PAPSS2: variants seen among roughly 807,000 people sequenced by gnomAD.
PAPSS2 encodes 3'-phosphoadenosine 5'-phosphosulfate synthase 2.
In PAPSS2, 61 loss-of-function variants were observed where a neutral mutation model predicts 66.5. The observed-to-expected ratio is 0.92, with a 90% CI of 0.75 to 1.14. The LOEUF is 1.14. PAPSS2 is among the 50% of genes most tolerant of loss of function. The probability of loss-of-function intolerance (pLI) is 0.00; values close to 1 mark genes in which losing one functional copy is unlikely to be tolerated. For missense variants in PAPSS2, 708 were observed against 789.6 expected (o/e 0.90, Z 1.24); for synonymous variants, 289 against 287.5 (o/e 1.01, Z -0.05).
intron 10 of PAPSS2, among the ~76,000 whole-genome samples, chr10:87,742,359 G>GC (rs1853880312): frequency 6.6e-6 from 1 of 152,146 alleles, no homozygotes; most frequent in African/African-American, 2.4e-5. Flanking sequence ...GGCAGCACAT[G>GC]CCCCAAACTG....
At chr10:87,667,567 C>T (rs1010367616) in intron 1 of PAPSS2, among the ~76,000 whole-genome samples, 1 of 152,198 alleles carries the variant, frequency 6.6e-6, no homozygotes, top group Admixed American at 6.5e-5. Context: ...TCTGATGACA[C>T]GTGGTGTATA....
chr10:87,685,634 C>T (rs1451702384), intron 1 of PAPSS2, among the ~76,000 whole-genome samples: 1 of 152,130 alleles, frequency 6.6e-6, no homozygotes, highest in African/African-American at 2.4e-5. Context: ...CAGTGAGCCA[C>T]AATTGTACCA....
chr10:87,741,383 T>A lies in PAPSS2; in HGVS notation c.1222+13T>A. On this transcript the variant is annotated intron_variant, in intron 10 of 12. Transcript: ENST00000456849. ...GAAATGAATGCTGGTATGTAAACTG[T>A]TCTTAGTGCATTTTATTTATTTATT... is the stretch of plus-strand genomic sequence containing the variant. The A allele has an allele frequency of 6.2e-7, 1 of 1,604,350 alleles. No individual in the cohort carries two copies.
intron 9 of PAPSS2, among the ~76,000 whole-genome samples, chr10:87,738,006 C>G (rs1370520524): frequency 6.6e-6 from 1 of 152,162 alleles, no homozygotes; most frequent in African/African-American, 2.4e-5. Context: ...TTTCACTTAG[C>G]CTAATGTCCT....
At chr10:87,743,764 G>T in intron 11 of PAPSS2, 123 bp downstream of exon 11, 1 of 1,163,048 alleles carries the variant, frequency 8.6e-7, no homozygotes. Context: ...GAATGTTCTG[G>T]TGTCTCTTCT....
chr10:87,662,622 G>C (rs1311576186), intron 1 of PAPSS2, among the ~76,000 whole-genome samples: 2 of 149,710 alleles, frequency 1.3e-5, no homozygotes, highest in African/African-American at 4.9e-5. Flanking sequence ...TGCCTCTAGG[G>C]GACTGGAAAG....
chr10:87,725,447 C>T (rs1035485526), intron 8 of PAPSS2, among the ~76,000 whole-genome samples: 1 of 152,292 alleles, frequency 6.6e-6, no homozygotes, highest in Non-Finnish European at 1.5e-5. Flanking sequence ...GAGGAGCTCA[C>T]ACTCCAGAGA....
intron 1 of PAPSS2, among the ~76,000 whole-genome samples, chr10:87,704,685 A>T (rs549957361): frequency 6.6e-6 from 1 of 152,192 alleles, no homozygotes; most frequent in Non-Finnish European, 1.5e-5. Context: ...TCTTTTGCCC[A>T]GGATGGAGTG....
intron 1 of PAPSS2, among the ~76,000 whole-genome samples, chr10:87,663,520 A>T (rs758157097): frequency 5.3e-5 from 8 of 152,196 alleles, no homozygotes; most frequent in Non-Finnish European, 8.8e-5. Context: ...TAGAGGCCAG[A>T]CACTCAGACA....
intron 7 of PAPSS2, among the ~76,000 whole-genome samples, chr10:87,716,753 G>T (rs900898709): frequency 6.6e-6 from 1 of 152,122 alleles, no homozygotes; most frequent in Non-Finnish European, 1.5e-5. Flanking sequence ...TTATTCTTTT[G>T]CTGTGACAGA....
chr10:87,721,800 A>G, intron 8 of PAPSS2, 30 bp downstream of exon 8: 1 of 1,229,830 alleles, frequency 8.1e-7, no homozygotes, highest in Non-Finnish European at 1.1e-6. Flanking sequence ...AAGTAGCTAA[A>G]TTATTATAAT....
At chr10:87,696,457 A>T (rs924282610) in intron 1 of PAPSS2, among the ~76,000 whole-genome samples, 1 of 152,242 alleles carries the variant, frequency 6.6e-6, no homozygotes, top group Non-Finnish European at 1.5e-5. Context: ...TCAGAAGAGA[A>T]CACTGCTAGG....
At position 87,659,902 on chromosome 10, in the gene PAPSS2, T is replaced by C. The variant is rs1302677803; in HGVS notation, c.-80T>C. On this transcript the variant is annotated 5_prime_UTR_variant, in exon 1 of 13. Transcript: ENST00000456849. ...CAGCCGCTGCTGCTGCTGCTGCTGC[T>C]GCTGCCGCCGCCGCCGCCGCCGTCC... is the stretch of plus-strand genomic sequence containing the variant. 9.7e-6 allele frequency: 14 copies of C among 1,446,568 alleles called. No homozygotes were observed. Among genetic ancestry groups the C allele is most frequent in the Non-Finnish European group, 7.7e-6 (8 of 1,035,480 alleles). The allele number at this position is 1,446,568 out of a possible 1,614,324, so 89.6% of individuals were successfully genotyped here. A position where few individuals can be genotyped will look rare whatever the true frequency, so the allele number is the denominator to read the frequency against.
intron 9 of PAPSS2, among the ~76,000 whole-genome samples, chr10:87,729,119 A>G (rs1406307728): frequency 6.6e-6 from 1 of 152,112 alleles, no homozygotes; most frequent in Non-Finnish European, 1.5e-5. Context: ...TGGGAATGAT[A>G]TTCGCATACA....
chr10:87,739,646 C>T (rs1002174097), intron 9 of PAPSS2, among the ~76,000 whole-genome samples: 1 of 152,174 alleles, frequency 6.6e-6, no homozygotes, highest in South Asian at 2.1e-4. Flanking sequence ...TCCCCAAGTT[C>T]AAAACTGTGT....
intron 1 of PAPSS2, among the ~76,000 whole-genome samples, chr10:87,685,451 A>C (rs77252044): frequency 0.016 from 2,403 of 152,256 alleles, 62 homozygotes; most frequent in African/African-American, 0.055. Flanking sequence ...GCACTTACGG[A>C]GGACAAGGCG....
intron 1 of PAPSS2, among the ~76,000 whole-genome samples, chr10:87,686,473 C>T (rs185769817): frequency 3.5e-4 from 54 of 152,114 alleles, no homozygotes; most frequent in African/African-American, 4.8e-5. Context: ...CCAAGGTCTT[C>T]GTATAGCTCA....
At chr10:87,714,937 C>T (rs372681290) in intron 5 of PAPSS2, 48 bp from the exon 6 acceptor site, 2 of 1,418,604 alleles carry the variant, frequency 1.4e-6, no homozygotes, top group African/African-American at 2.8e-5. Context: ...TTTACTGAAG[C>T]ATTCTTTTTA....
Position 87,715,110 on chromosome 10 carries a change from C to T in PAPSS2, c.753+12C>T. On this transcript the variant is annotated intron_variant, in intron 6 of 12. Coordinates refer to ENST00000456849, the MANE Select transcript of PAPSS2 (RefSeq NM_001015880.2). ...TATCAATTACTAAGGTAAGTGGGTG[C>T]AGACTGGTCAAATAATTAGGCTTAA... 4 of 1,333,882 alleles carry T rather than the reference C, an allele frequency of 3.0e-6. No homozygotes were observed. Among genetic ancestry groups the T allele is most frequent in the Non-Finnish European group, 4.3e-6 (4 of 924,582 alleles). The allele number at this position is 1,333,882 out of a possible 1,614,324, so 82.6% of individuals were successfully genotyped here.
Sources: allele counts gnomAD v4.1 joint callset (sites outside exome capture counted in the v4.1 genomes callset), GRCh38; gene constraint gnomAD v4.1.1; transcripts MANE v1.5; gene names NCBI Gene and HGNC (gene_info 2026-07-23, HGNC 2026-07-21).